Variants in BRDT observed in about 807,000 individuals in gnomAD.
BRDT encodes the protein bromodomain testis-specific protein.
Under a neutral mutation model 113.9 loss-of-function variants are expected in BRDT, and 77 were observed. The observed-to-expected ratio is 0.68, with a 90% CI of 0.56 to 0.82. BRDT has a LOEUF of 0.82. Ranked by LOEUF, BRDT falls within the 40% of genes least tolerant of loss-of-function variation. The probability of loss-of-function intolerance (pLI) is 0.00; values close to 1 mark genes in which losing one functional copy is unlikely to be tolerated. For missense variants in BRDT, 1,027 were observed against 1,105.4 expected (o/e 0.93, Z 1.01); for synonymous variants, 358 against 366.5 (o/e 0.98, Z 0.26).
intron 12 of BRDT, among the ~76,000 whole-genome samples, chr1:91,983,528 C>G (rs776451200): frequency 6.6e-6 from 1 of 151,974 alleles, no homozygotes; most frequent in African/African-American, 2.4e-5. Context: ...TGCTGGGATG[C>G]CAGGCATTAG....
At chr1:91,960,229 G>C (rs1240764264) in intron 1 of BRDT, among the ~76,000 whole-genome samples, 1 of 152,148 alleles carries the variant, frequency 6.6e-6, no homozygotes, top group Non-Finnish European at 1.5e-5. Context: ...GCAGGGTCCT[G>C]AGACACTTGT....
chr1:92,008,307 C>T (rs749157697), intron 18 of BRDT, among the ~76,000 whole-genome samples: 5 of 152,132 alleles, frequency 3.3e-5, no homozygotes, highest in South Asian at 2.1e-4. Flanking sequence ...AGTCTGGGTC[C>T]GCTGGCAATA....
chr1:91,983,800 G>T (rs1367452366), intron 12 of BRDT, among the ~76,000 whole-genome samples: 1 of 151,744 alleles, frequency 6.6e-6, no homozygotes, highest in Non-Finnish European at 1.5e-5. Flanking sequence ...TCCTACCGCA[G>T]TCTCCCAAGT....
chr1:92,004,957 GC>G (rs1316376562), intron 17 of BRDT, among the ~76,000 whole-genome samples, 161 bp from the exon 18 acceptor site: 4 of 152,118 alleles, frequency 2.6e-5, no homozygotes, highest in African/African-American at 9.7e-5. Flanking sequence ...ATATGGATTA[GC>G]CTATGTGTAA....
In BRDT at chr1:91,976,305, AATC is replaced by A; in HGVS notation, c.490_492del (p.Ser164del). 2.5e-6 allele frequency: 4 copies of A among 1,610,886 alleles called. No individual in the cohort carries two copies. Among genetic ancestry groups the A allele is most frequent in the African/African-American group, 2.7e-5 (2 of 74,786 alleles). ...ATAGCTGTTTCTTCTGCTAAAGAAA[AATC>A]ATCACCCAGCGCAACAGAAAAAGTA... On this transcript the variant is annotated inframe_deletion, in exon 5 of 19. Coordinates refer to ENST00000399546, the MANE Select transcript of BRDT (RefSeq NM_207189.4).
intron 1 of BRDT, among the ~76,000 whole-genome samples, chr1:91,951,505 A>G (rs968143480): frequency 2.0e-5 from 3 of 152,026 alleles, no homozygotes; most frequent in African/African-American, 7.2e-5. Flanking sequence ...TTAAAAAAAA[A>G]GAAAAAAAAG....
At chr1:91,974,842 T>C (rs537836756) in intron 4 of BRDT, among the ~76,000 whole-genome samples, 2 of 152,316 alleles carry the variant, frequency 1.3e-5, no homozygotes, top group East Asian at 1.9e-4. Context: ...CATATGTTTA[T>C]TGTGGCACTA....
At position 92,014,371 on chromosome 1, in the gene BRDT, CTTATA is replaced by C. The variant is rs1688041356; in HGVS notation, c.*100_*104del. ...TGCTTTCAGATAACAAGATACCAAT[CTTATA>C]TTGTATTTTGACTGCTCTAAAATGA... On this transcript the variant is annotated 3_prime_UTR_variant, in exon 19 of 19. Coordinates refer to ENST00000399546, the MANE Select transcript of BRDT (RefSeq NM_207189.4). 2 of 786,536 alleles carry C rather than the reference CTTATA, an allele frequency of 2.5e-6. No individual in the cohort carries two copies. The highest frequency in any genetic ancestry group is 6.9e-5 in the Admixed American group (2 of 29,024). The allele number at this position is 786,536 out of a possible 1,614,324, so 48.7% of individuals were successfully genotyped here.
At chr1:91,963,153 G>C (rs1682672603) in intron 2 of BRDT, among the ~76,000 whole-genome samples, 1 of 152,072 alleles carries the variant, frequency 6.6e-6, no homozygotes, top group African/African-American at 2.4e-5. Context: ...GAGAGACCCC[G>C]TCTCTACTAA....
Position 91,960,959 on chromosome 1 carries a change from A to G in BRDT, c.-37-1759A>G, listed in dbSNP as rs566252673. Among the ~76,000 whole-genome samples, 32 of 152,358 alleles carry G rather than the reference A, an allele frequency of 2.1e-4. No individual in the cohort carries two copies. The South Asian group carries it at 6.2e-3, about 30-fold the overall frequency. ...TATGAAATTTAAAATATTTTATTCTAGATGTAGCAATATGTGCCACAGAGT... is the reference window on the plus strand; with the variant it reads ...TATGAAATTTAAAATATTTTATTCTGGATGTAGCAATATGTGCCACAGAGT... On this transcript the variant is annotated intron_variant, in intron 1 of 18. Transcript: ENST00000399546.
At chr1:91,970,950 G>A (rs901864218) in intron 4 of BRDT, among the ~76,000 whole-genome samples, 1 of 151,502 alleles carries the variant, frequency 6.6e-6, no homozygotes, top group South Asian at 2.1e-4. Flanking sequence ...AGAAATATGT[G>A]AGGCTGGGTA....
chr1:92,003,828 C>T (rs1687059338), intron 16 of BRDT, among the ~76,000 whole-genome samples: 1 of 151,988 alleles, frequency 6.6e-6, no homozygotes, highest in African/African-American at 2.4e-5. Flanking sequence ...ATTAAATTTA[C>T]TTAAATTTTT....
intron 15 of BRDT, among the ~76,000 whole-genome samples, chr1:91,998,123 T>C (rs1023181934): frequency 1.3e-5 from 2 of 152,176 alleles, no homozygotes; most frequent in Non-Finnish European, 2.9e-5. Context: ...CATACCCTTA[T>C]CCTTATAGTT....
intron 12 of BRDT, among the ~76,000 whole-genome samples, chr1:91,990,395 G>A (rs2101731226): frequency 6.6e-6 from 1 of 152,286 alleles, no homozygotes; most frequent in Admixed American, 6.5e-5. Context: ...TTTAATAAAA[G>A]ACTGTATCCT....
chr1:91,949,754 C>G (rs1680838259), intron 1 of BRDT, 72 bp downstream of exon 1: 2 of 152,330 alleles, frequency 1.3e-5, no homozygotes, highest in Non-Finnish European at 2.9e-5. Context: ...CTTTTTCTCT[C>G]TCTCCCTCTT....
At chr1:91,976,497 T>G in intron 5 of BRDT, 59 bp downstream of exon 5, 1 of 1,424,468 alleles carries the variant, frequency 7.0e-7, no homozygotes, top group Non-Finnish European at 9.3e-7. Context: ...TTTTTTCCAT[T>G]TATAGGAAAA....
intron 12 of BRDT, among the ~76,000 whole-genome samples, chr1:91,988,864 T>C (rs1168417682): frequency 6.6e-6 from 1 of 152,266 alleles, no homozygotes; most frequent in African/African-American, 2.4e-5. Flanking sequence ...TATTATGCTC[T>C]TAAAAAGTCA....
chr1:92,009,545 C>CT (rs59044630), intron 18 of BRDT, among the ~76,000 whole-genome samples: 20,331 of 102,596 alleles, frequency 0.2, 3,335 homozygotes, highest in East Asian at 0.44. Context: ...CAACTTGCCA[C>CT]TTTTTTTTTT....
At chr1:91,979,377 G>A (rs1386034194) in intron 7 of BRDT, among the ~76,000 whole-genome samples, 192 bp from the exon 8 acceptor site, 4 of 151,946 alleles carry the variant, frequency 2.6e-5, no homozygotes, top group Non-Finnish European at 5.9e-5. Context: ...GCCTCCCTAA[G>A]TGCTAAGATT....
Sources: gnomAD v4.1 joint callset for allele counts (sites outside exome capture counted in the v4.1 genomes callset) on GRCh38, gnomAD v4.1.1 for gene constraint, MANE v1.5 for transcripts, NCBI Gene and HGNC (gene_info 2026-07-23, HGNC 2026-07-21) for gene names.